CCNY: variants seen among roughly 807,000 people sequenced by gnomAD.
The protein encoded by CCNY is cyclin-Y.
A neutral mutation model predicts 42.8 loss-of-function variants in CCNY; 19 were observed. The ratio of observed to expected loss-of-function variants is 0.44; its 90% confidence interval spans 0.31 to 0.65. The LOEUF is 0.65. Among genes scored for constraint, CCNY ranks in the 30% least tolerant of loss-of-function variants. The pLI, the probability that CCNY is intolerant of heterozygous loss-of-function variation, is 0.07. For synonymous variants in CCNY, 165 were observed against 162.7 expected (o/e 1.01, Z -0.11); for missense variants, 370 against 437.3 (o/e 0.85, Z 1.37).
chr10:35,381,910 G>A (rs979508500), intron 1 of CCNY, among the ~76,000 whole-genome samples: 7 of 152,084 alleles, frequency 4.6e-5, no homozygotes, highest in African/African-American at 1.7e-4. Flanking sequence ...TAATATTTTT[G>A]CTTGGTAAGT....
chr10:35,326,059 G>C (rs1835877038), intron 3 of CCNY, among the ~76,000 whole-genome samples: 1 of 152,130 alleles, frequency 6.6e-6, no homozygotes, highest in Admixed American at 6.6e-5. Context: ...CTAGGCAACA[G>C]GGCAAGACTT....
rs1223713196 is a variant in CCNY, at chr10:35,408,938, A to G, written c.154+71731A>G. 3.3e-5 allele frequency among the ~76,000 whole-genome samples: 5 copies of G among 151,512 alleles called. 1 individual carries two copies. The highest frequency in any genetic ancestry group is 1.2e-4 in the African/African-American group (5 of 41,266). ...TTCTTTCCTCCCATTACCCTGCTCAATTCTTGTTTTTGTTTTTTTTTTTTC... is the reference window on the plus strand; with the variant it reads ...TTCTTTCCTCCCATTACCCTGCTCAGTTCTTGTTTTTGTTTTTTTTTTTTC... On this transcript the variant is annotated intron_variant, in intron 1 of 9. Transcript: ENST00000374704.
chr10:35,374,746 A>G (rs112904286), intron 1 of CCNY, among the ~76,000 whole-genome samples: 5 of 152,250 alleles, frequency 3.3e-5, no homozygotes, highest in African/African-American at 1.2e-4. Flanking sequence ...AGATTCTAAT[A>G]TACGTGTCTC....
intron 1 of CCNY, among the ~76,000 whole-genome samples, chr10:35,404,891 A>C (rs367556896): frequency 6.6e-6 from 1 of 152,170 alleles, no homozygotes; most frequent in Non-Finnish European, 1.5e-5. Context: ...AGCCCAGGTA[A>C]TTTGCTGAGC....
At chr10:35,567,018 A>G (rs1841585689) in intron 9 of CCNY, among the ~76,000 whole-genome samples, 1 of 152,166 alleles carries the variant, frequency 6.6e-6, no homozygotes, top group African/African-American at 2.4e-5. Context: ...CTATTTTGAA[A>G]TCAAATATTT....
intron 3 of CCNY, among the ~76,000 whole-genome samples, chr10:35,254,209 G>A (rs1254805411): frequency 6.6e-6 from 1 of 152,042 alleles, no homozygotes; most frequent in Non-Finnish European, 1.5e-5. Flanking sequence ...AAAGTGAATA[G>A]TCTTATACTA....
chr10:35,269,900 T>C lies in CCNY; in HGVS notation c.-9+19274T>C, dbSNP rs565788246. ...GCCTCAGACTCCCAAAGTGCTGGGG[T>C]TACGTGCCCGGCCAAGTTCATCACT... is the stretch of plus-strand genomic sequence containing the variant. On this transcript the variant is annotated intron_variant, in intron 3 of 11. Transcript: ENST00000374706. Among the ~76,000 whole-genome samples the C allele has an allele frequency of 8.5e-5, 13 of 152,214 alleles. No individual in the cohort carries two copies. In the South Asian group the frequency reaches 2.7e-3, roughly 32 times the overall value.
chr10:35,371,293 G>C (rs1214205158), intron 1 of CCNY, among the ~76,000 whole-genome samples: 1 of 152,144 alleles, frequency 6.6e-6, no homozygotes, highest in African/African-American at 2.4e-5. Flanking sequence ...ATTTAACTTG[G>C]ACTCTCAAGA....
At chr10:35,344,285 A>G (rs1201247855) in intron 1 of CCNY, among the ~76,000 whole-genome samples, 1 of 152,212 alleles carries the variant, frequency 6.6e-6, no homozygotes, top group East Asian at 1.9e-4. Flanking sequence ...AAAGAGAGGA[A>G]GCCTTGTAAT....
chr10:35,247,330 A>G lies in CCNY; in HGVS notation c.-217+200A>G, dbSNP rs184599598. 2.6e-3 allele frequency among the ~76,000 whole-genome samples: 398 copies of G among 152,320 alleles called. 3 individuals are homozygous for G. Among genetic ancestry groups the G allele is most frequent in the African/African-American group, 9.1e-3 (380 of 41,568 alleles). On this transcript the variant is annotated intron_variant, in intron 1 of 11. Transcript: ENST00000374706. The stretch of plus-strand genomic sequence containing the variant: ...AGAATAGGGCCAGGCACAGTGGCTC[A>G]TGCATGTAATCCCAGCACTTTGGGA...
chr10:35,507,080 C>T (rs1034466417), intron 3 of CCNY, among the ~76,000 whole-genome samples: 2 of 152,158 alleles, frequency 1.3e-5, no homozygotes, highest in Non-Finnish European at 1.5e-5. Flanking sequence ...CTCCTAACCT[C>T]CTCAGTTTTC....
At chr10:35,516,660 CCTT>C (rs1840433448) in intron 4 of CCNY, 37 bp downstream of exon 4, 1 of 533,878 alleles carries the variant, frequency 1.9e-6, no homozygotes. Context: ...TTCCTTCCTT[CCTT>C]TTTTTTTTTT....
At chr10:35,300,421 TA>T (rs995427683) in intron 3 of CCNY, among the ~76,000 whole-genome samples, 2 of 152,092 alleles carry the variant, frequency 1.3e-5, no homozygotes, top group African/African-American at 4.8e-5. Context: ...TCTCGGGGGT[TA>T]CAGTTCTGCT....
chr10:35,572,346 GATC>G lies in CCNY; in HGVS notation c.*3177_*3179del, dbSNP rs1841703902. The G allele has an allele frequency of 6.6e-6, 1 of 151,694 alleles. No homozygotes were observed. Among genetic ancestry groups the G allele is most frequent in the African/African-American group, 2.4e-5 (1 of 41,232 alleles). 9.4% of individuals were successfully genotyped at this position (151,694 alleles called of 1,614,324 possible). A position where few individuals can be genotyped will look rare whatever the true frequency, so the allele number is the denominator to read the frequency against. ...CACCCAGGCTGGTGTGCAATGGTGC[GATC>G]TGGGCTCACTGCAACCCCCACTTCC... On this transcript the variant is annotated 3_prime_UTR_variant, in exon 10 of 10. Coordinates refer to ENST00000374704, the MANE Select transcript of CCNY (RefSeq NM_145012.6).
At chr10:35,494,234 A>AGCCCCC (rs1554794873) in intron 2 of CCNY, among the ~76,000 whole-genome samples, 1 of 109,790 alleles carries the variant, frequency 9.1e-6, no homozygotes, top group Non-Finnish European at 1.8e-5. Context: ...GCATAGTGAG[A>AGCCCCC]CCCCCCCCCC....
rs1018775622 is a variant in CCNY, at chr10:35,257,485, C to A, written c.-9+6859C>A. Reference sequence around the variant, plus strand: ...TGGGAAGGTCTTAATTTCTCCCTCACTTTTGAAGAACTGTTAAGCCAAATG... The same window carrying A: ...TGGGAAGGTCTTAATTTCTCCCTCAATTTTGAAGAACTGTTAAGCCAAATG... On this transcript the variant is annotated intron_variant, in intron 3 of 11. Transcript: ENST00000374706. 2.0e-5 allele frequency among the ~76,000 whole-genome samples: 3 copies of A among 152,156 alleles called. No individual in the cohort carries two copies. The East Asian group carries it at 5.8e-4, about 29-fold the overall frequency.
At chr10:35,568,803 A>G (rs1235547381) in intron 9 of CCNY, among the ~76,000 whole-genome samples, 1 of 152,232 alleles carries the variant, frequency 6.6e-6, no homozygotes, top group African/African-American at 2.4e-5. Flanking sequence ...GCCGACTGTG[A>G]GGTGACACTG....
chr10:35,452,569 C>T (rs953068461), intron 1 of CCNY, among the ~76,000 whole-genome samples: 3 of 152,118 alleles, frequency 2.0e-5, no homozygotes, highest in African/African-American at 7.2e-5. Flanking sequence ...GGTGTTCATA[C>T]TAGCCCCTTT....
rs569459536 is a variant in CCNY, at chr10:35,456,485, A to G, written c.155-26919A>G. ...CATTGATTGCACAGGATTCGGAGGCACATTCATTTGTATCTTCCAGGGTAG... is the reference window on the plus strand; with the variant it reads ...CATTGATTGCACAGGATTCGGAGGCGCATTCATTTGTATCTTCCAGGGTAG... On this transcript the variant is annotated intron_variant, in intron 1 of 9. Coordinates refer to ENST00000374704, the MANE Select transcript of CCNY (RefSeq NM_145012.6). Among the ~76,000 whole-genome samples the G allele has an allele frequency of 5.9e-5, 9 of 152,358 alleles. No homozygotes were observed. In the East Asian group the frequency reaches 1.7e-3, roughly 29 times the overall value.
Sources: gnomAD v4.1 joint callset for allele counts (sites outside exome capture counted in the v4.1 genomes callset) on GRCh38, gnomAD v4.1.1 for gene constraint, MANE v1.5 for transcripts, NCBI Gene and HGNC (gene_info 2026-07-23, HGNC 2026-07-21) for gene names.